LARGE1: variants seen among roughly 807,000 people sequenced by gnomAD.
The protein encoded by LARGE1 is xylosyl- and glucuronyltransferase LARGE1.
A neutral mutation model predicts 87.6 loss-of-function variants in LARGE1; 43 were observed. That is an observed-to-expected ratio of 0.49 (90% CI 0.38 to 0.63). The LOEUF (loss-of-function observed/expected upper bound fraction) is 0.63, where lower values mean the gene tolerates loss of function less well. Among genes scored for constraint, LARGE1 ranks in the 30% least tolerant of loss-of-function variants. The pLI is 0.00. For synonymous variants in LARGE1, 434 were observed against 394.6 expected (o/e 1.10, Z -1.18); for missense variants, 802 against 1,000.2 (o/e 0.80, Z 2.67).
intron 5 of LARGE1, among the ~76,000 whole-genome samples, chr22:33,590,527 GC>G (rs2078805795): frequency 6.6e-6 from 1 of 152,190 alleles, no homozygotes; most frequent in Non-Finnish European, 1.5e-5. Context: ...CAATTTGATC[GC>G]CCTCGAAAAT....
intron 1 of LARGE1, among the ~76,000 whole-genome samples, chr22:33,765,707 CAAAAAA>C (rs33943950): frequency 1.4e-5 from 1 of 69,906 alleles, no homozygotes; most frequent in African/African-American, 5.9e-5. Context: ...CTCCATCTCA[CAAAAAA>C]AAAAAAAAAA....
chr22:33,553,497 CACA>C lies in LARGE1; in HGVS notation c.787+11348_787+11350del, dbSNP rs1230213924. On this transcript the variant is annotated intron_variant, in intron 6 of 14. Coordinates refer to ENST00000397394, the MANE Select transcript of LARGE1 (RefSeq NM_133642.5). ...CACGACTGCACTCCAGCCTGGGTGA[CACA>C]ACAAGACCCTGTCACAAAAACAAAA... Among the ~76,000 whole-genome samples the C allele has an allele frequency of 5.9e-5, 9 of 152,192 alleles. No individual in the cohort carries two copies. The East Asian group carries it at 1.7e-3, about 29-fold the overall frequency.
At chr22:33,253,871 T>C (rs905320624) in intron 11 of LARGE1, among the ~76,000 whole-genome samples, 1 of 150,716 alleles carries the variant, frequency 6.6e-6, no homozygotes, top group African/African-American at 2.4e-5. Context: ...TGACCAACAC[T>C]GGTAGCTCCT....
chr22:33,659,046 T>C (rs976402336), intron 2 of LARGE1, among the ~76,000 whole-genome samples: 3 of 152,230 alleles, frequency 2.0e-5, no homozygotes, highest in African/African-American at 7.2e-5. Flanking sequence ...CCTCCAAGCA[T>C]AGGGCCTGCT....
In LARGE1 at chr22:33,437,061, C is replaced by T. The variant is rs5754549; in HGVS notation, c.788-4796G>A. On this transcript the variant is annotated intron_variant, in intron 6 of 14. Coordinates refer to ENST00000397394, the MANE Select transcript of LARGE1 (RefSeq NM_133642.5). Reference sequence around the variant, plus strand: ...TTAATTCCCTCACTCCACAATATTTCTGCATAAGAATTCTGGCCACGGGGT... The same window carrying T: ...TTAATTCCCTCACTCCACAATATTTTTGCATAAGAATTCTGGCCACGGGGT... 2.2e-3 allele frequency among the ~76,000 whole-genome samples: 334 copies of T among 152,268 alleles called. 1 individual carries two copies. Among genetic ancestry groups the T allele is most frequent in the Admixed American group, 6.0e-3 (92 of 15,294 alleles).
At chr22:33,494,685 G>A (rs1372140997) in intron 6 of LARGE1, among the ~76,000 whole-genome samples, 1 of 152,196 alleles carries the variant, frequency 6.6e-6, no homozygotes, top group Non-Finnish European at 1.5e-5. Context: ...TTTTGCAGAT[G>A]AGAAACATGA....
At chr22:33,505,248 C>T (rs537749675) in intron 6 of LARGE1, among the ~76,000 whole-genome samples, 2 of 152,348 alleles carry the variant, frequency 1.3e-5, no homozygotes, top group African/African-American at 2.4e-5. Context: ...ATAGAGCGGC[C>T]TGCTAGAGCA....
intron 1 of LARGE1, among the ~76,000 whole-genome samples, chr22:33,772,955 ACTAG>A (rs1478994522): frequency 1.3e-5 from 2 of 152,314 alleles, no homozygotes; most frequent in Admixed American, 6.5e-5. Context: ...AGGTCCAGCA[ACTAG>A]CTGTCTGACT....
intron 2 of LARGE1, among the ~76,000 whole-genome samples, chr22:33,662,745 A>T (rs900077225): frequency 1.3e-5 from 2 of 152,196 alleles, no homozygotes; most frequent in Non-Finnish European, 2.9e-5. Flanking sequence ...AAAAAAAAAA[A>T]TGGAAGCAAG....
intron 4 of LARGE1, among the ~76,000 whole-genome samples, chr22:33,609,416 C>T (rs548015856): frequency 2.6e-5 from 4 of 152,258 alleles, no homozygotes; most frequent in Admixed American, 2.6e-4. Context: ...AGGAGGAGCA[C>T]AAAAGCTACA....
chr22:33,213,847 C>G (rs1006157631), intron 11 of LARGE1, among the ~76,000 whole-genome samples: 1 of 151,082 alleles, frequency 6.6e-6, no homozygotes. Flanking sequence ...TTTTTTGAGA[C>G]GGAGTCTCAC....
intron 3 of LARGE1, among the ~76,000 whole-genome samples, chr22:33,634,334 G>C (rs1164793912): frequency 6.6e-6 from 1 of 152,186 alleles, no homozygotes; most frequent in Non-Finnish European, 1.5e-5. Context: ...CCTGAGAATA[G>C]TCTGCATCCA....
intron 2 of LARGE1, among the ~76,000 whole-genome samples, chr22:33,662,457 C>A (rs532855842): frequency 5.8e-4 from 89 of 152,262 alleles, no homozygotes; most frequent in Non-Finnish European, 1.1e-3. Context: ...CAAATCACCG[C>A]CCTTCATCCA....
chr22:33,716,110 T>C (rs1360296451), intron 2 of LARGE1, among the ~76,000 whole-genome samples: 1 of 152,210 alleles, frequency 6.6e-6, no homozygotes, highest in African/African-American at 2.4e-5. Flanking sequence ...CCTCTTACTT[T>C]GGGAAACAGT....
chr22:33,119,247 G>A, the LARGE1 span, among the ~76,000 whole-genome samples: 4 of 152,168 alleles, frequency 2.6e-5, no homozygotes, highest in Non-Finnish European at 5.9e-5. Context: ...AGGAAGGTCC[G>A]TTATGACTTT....
At chr22:33,207,563 A>T (rs776502842) in intron 11 of LARGE1, among the ~76,000 whole-genome samples, 14 of 152,198 alleles carry the variant, frequency 9.2e-5, no homozygotes, top group Admixed American at 2.0e-4. Flanking sequence ...CACTGGCAAG[A>T]CAAGCTCGAT....
chr22:33,922,187 G>A (rs936033992), upstream of LARGE1, among the ~76,000 whole-genome samples: 5 of 151,906 alleles, frequency 3.3e-5, no homozygotes, highest in African/African-American at 1.2e-4. Context: ...AAGGGGCAGG[G>A]GAAGGATGGG....
the LARGE1 span, among the ~76,000 whole-genome samples, chr22:33,152,123 C>T: frequency 0.42 from 64,217 of 152,054 alleles, 13,998 homozygotes; most frequent in South Asian, 0.68. Flanking sequence ...TAGGCATTTA[C>T]GCATTCCTAG....
intron 2 of LARGE1, among the ~76,000 whole-genome samples, chr22:33,717,870 T>C (rs1363821108): frequency 6.6e-6 from 1 of 152,208 alleles, no homozygotes; most frequent in Non-Finnish European, 1.5e-5. Context: ...CCACTCCTAC[T>C]CCAGGCCTCT....
Sources: allele counts gnomAD v4.1 joint callset (sites outside exome capture counted in the v4.1 genomes callset), GRCh38; gene constraint gnomAD v4.1.1; transcripts MANE v1.5; gene names NCBI Gene and HGNC (gene_info 2026-07-23, HGNC 2026-07-21).